Variants in CNTNAP1 observed in about 807,000 individuals in gnomAD.
The protein encoded by CNTNAP1 is contactin-associated protein 1.
In CNTNAP1, 80 loss-of-function variants were observed where a neutral mutation model predicts 161.5. The observed-to-expected ratio is 0.50, with a 90% CI of 0.41 to 0.60. CNTNAP1 has a LOEUF of 0.60. Among genes scored for constraint, CNTNAP1 ranks in the 20% least tolerant of loss-of-function variants. CNTNAP1 has a pLI of 0.00. For synonymous variants in CNTNAP1, 695 were observed against 733.1 expected, an observed-to-expected ratio of 0.95 and a Z score of 0.84; for missense variants, 1,464 against 1,854.8, an observed-to-expected ratio of 0.79 and a Z score of 3.87.
chr17:42,699,004 T>C lies in CNTNAP1; in HGVS notation c.*94T>C. ...TCAGGGACATTTGGCTCCTCTTAGC[T>C]GGCTCTGCTCATCCAGAGGATATTC... On this transcript the variant is annotated 3_prime_UTR_variant, in exon 24 of 24. Coordinates refer to ENST00000264638, the MANE Select transcript of CNTNAP1 (RefSeq NM_003632.3). 1 of 1,150,610 alleles carries C rather than the reference T, an allele frequency of 8.7e-7. No individual in the cohort carries two copies. The highest frequency in any genetic ancestry group is 1.2e-6 in the Non-Finnish European group (1 of 833,852). 71.3% of individuals were successfully genotyped at this position (1,150,610 alleles called of 1,614,324 possible).
At chr17:42,692,961 T>TC (rs906038894) in intron 17 of CNTNAP1, among the ~76,000 whole-genome samples, 19 of 149,984 alleles carry the variant, frequency 1.3e-4, no homozygotes, top group Admixed American at 5.3e-4. Context: ...TTCTTTTCTT[T>TC]TTTTTTTTTT....
chr17:42,688,689 A>G, intron 9 of CNTNAP1, 78 bp downstream of exon 9: 3 of 1,597,328 alleles, frequency 1.9e-6, no homozygotes, highest in Non-Finnish European at 2.6e-6. Flanking sequence ...ATGGGGCCAC[A>G]TGGAGAATTT....
rs1567969997 is a variant in CNTNAP1, at chr17:42,685,593, A to C, written c.715+173A>C. Among the ~76,000 whole-genome samples the C allele has an allele frequency of 6.6e-6, 1 of 152,222 alleles. No individual in the cohort carries two copies. The highest frequency in any genetic ancestry group is 6.5e-5 in the Admixed American group (1 of 15,282). ...TGGTGCTAGCAAAACACTGGAGTTG[A>C]GTGAGAACTGGATTCCAGTCTCAGC... On this transcript the variant is annotated intron_variant, in intron 5 of 23. Transcript: ENST00000264638. This position sits in a 1 kb window ranked among gnomAD's most constrained non-coding sequence, Gnocchi z 5.0.
rs763249493 is a variant in CNTNAP1, at chr17:42,691,328, C to T, written c.2216+35C>T. ...CAAAGGGACAGGGTTTTTAGGACTC[C>T]GGGAGTGGGAGGAGCTGAGTGGCTG... is the stretch of plus-strand genomic sequence containing the variant. On this transcript the variant is annotated intron_variant, in intron 14 of 23. Coordinates refer to ENST00000264638, the MANE Select transcript of CNTNAP1 (RefSeq NM_003632.3). This position sits in a 1 kb window ranked among gnomAD's most constrained non-coding sequence, Gnocchi z 4.3. The T allele has an allele frequency of 1.4e-5, 23 of 1,613,848 alleles. No homozygotes were observed. The highest frequency in any genetic ancestry group is 9.3e-5 in the African/African-American group (7 of 74,882).
intron 10 of CNTNAP1, among the ~76,000 whole-genome samples, 172 bp from the exon 11 acceptor site, chr17:42,689,349 C>T (rs115500376): frequency 0.014 from 2,060 of 151,968 alleles, 48 homozygotes; most frequent in African/African-American, 0.047. Context: ...GTACTTGAGC[C>T]CTGAGGACTG....
chr17:42,698,742 C>A lies in CNTNAP1; in HGVS notation c.3987C>A (p.Gly1329=), dbSNP rs745716694. ...AGGCTGCCCACGAGTACCATCCTGG[C>A]AGCAAACCTCCCCTACCCACTTCAG... ...EPKAAHEYHP[G]SKPPLPTSGP... The change falls in exon 24 of 24, where the codon GGC becomes GGA. Residue 1329 remains glycine, a synonymous_variant. Transcript: ENST00000264638. 6.2e-7 allele frequency: 1 copy of A among 1,613,338 alleles called. No homozygotes were observed. The highest frequency in any genetic ancestry group is 1.3e-5 in the African/African-American group (1 of 74,786).
At chr17:42,683,016 T>C in intron 1 of CNTNAP1, 120 bp downstream of exon 1, 1 of 936,088 alleles carries the variant, frequency 1.1e-6, no homozygotes. Flanking sequence ...GCGCGCCCGC[T>C]GGCTCTCATC....
intron 17 of CNTNAP1, 116 bp from the exon 18 acceptor site, chr17:42,693,181 G>C (rs1330510071): frequency 9.0e-6 from 11 of 1,223,260 alleles, no homozygotes; most frequent in Admixed American, 4.0e-5. Context: ...GGATGGTCTC[G>C]ATCTCCTGAG....
rs761905035 is a variant in CNTNAP1, at chr17:42,691,344, T to C, written c.2217-40T>C. On this transcript the variant is annotated intron_variant, in intron 14 of 23. Transcript: ENST00000264638. This position sits in a 1 kb window ranked among gnomAD's most constrained non-coding sequence, Gnocchi z 4.3. ...TTAGGACTCCGGGAGTGGGAGGAGCTGAGTGGCTGGGGCTGAGCCATGACA... is the reference window on the plus strand; with the variant it reads ...TTAGGACTCCGGGAGTGGGAGGAGCCGAGTGGCTGGGGCTGAGCCATGACA... 1.4e-5 allele frequency: 22 copies of C among 1,613,788 alleles called. No homozygotes were observed. The highest frequency in any genetic ancestry group is 1.8e-5 in the Non-Finnish European group (21 of 1,179,960).
intron 8 of CNTNAP1, 143 bp downstream of exon 8, chr17:42,688,124 G>T: frequency 8.0e-7 from 1 of 1,255,192 alleles, no homozygotes; most frequent in Non-Finnish European, 1.1e-6. Flanking sequence ...AGGGTACTGG[G>T]AAAAGGTGGG....
In CNTNAP1 at chr17:42,691,276, C is replaced by G; in HGVS notation, c.2199C>G (p.Asp733Glu). ...CVDPALYCNCDADQPQWRTDK... is the reference protein window; with the variant it reads ...CVDPALYCNCEADQPQWRTDK... ...ACCCTGCCTTGTACTGCAACTGTGA[C>G]GCTGACCAGCCCCAGTGGTGAGGGG... The change falls in exon 14 of 24, where the codon GAC (aspartate) becomes GAG (glutamate). Residue 733 changes from aspartate to glutamate, a missense_variant. Physicochemically the swap from Asp to Glu is conservative, Grantham distance 45. Around this residue, in one of 3 missense-constraint regions of CNTNAP1, gnomAD observed 1,383 missense variants for 1,765.0 expected, o/e 0.78. Coordinates refer to ENST00000264638, the MANE Select transcript of CNTNAP1 (RefSeq NM_003632.3). This position sits in a 1 kb window ranked among gnomAD's most constrained non-coding sequence, Gnocchi z 4.3. The G allele has an allele frequency of 6.2e-7, 1 of 1,614,142 alleles. No individual in the cohort carries two copies. The highest frequency in any genetic ancestry group is 8.5e-7 in the Non-Finnish European group (1 of 1,180,024).
intron 12 of CNTNAP1, among the ~76,000 whole-genome samples, 169 bp downstream of exon 12, chr17:42,690,376 G>T (rs1043603246): frequency 1.3e-5 from 2 of 152,046 alleles, no homozygotes; most frequent in African/African-American, 4.8e-5. Context: ...GCCAGGCGTG[G>T]TGGCTCACAC....
In CNTNAP1 at chr17:42,687,581, A is replaced by G. The variant is rs988117637; in HGVS notation, c.1045-139A>G. ...GGACGAGCTTGGAGGGGAAGAGGTC[A>G]CGTCATGGTTGGAGATCTCACCCCC... is the stretch of plus-strand genomic sequence containing the variant. On this transcript the variant is annotated intron_variant, in intron 7 of 23. Coordinates refer to ENST00000264638, the MANE Select transcript of CNTNAP1 (RefSeq NM_003632.3). This position sits in a 1 kb window ranked among gnomAD's most constrained non-coding sequence, Gnocchi z 4.7. 11 of 1,140,442 alleles carry G rather than the reference A, an allele frequency of 9.6e-6. No individual in the cohort carries two copies. In the African/African-American group the frequency reaches 1.3e-4, roughly 13 times the overall value. The allele number at this position is 1,140,442 out of a possible 1,614,324, so 70.6% of individuals were successfully genotyped here.
At position 42,699,642 on chromosome 17, in the gene CNTNAP1, C is replaced by T. The variant is rs568500601; in HGVS notation, c.*732C>T. On this transcript the variant is annotated 3_prime_UTR_variant, in exon 24 of 24. Transcript: ENST00000264638. ...TGTGCCTGCCCAAAGGCTTCGCCCC[C>T]TCCAGTGCATGAGGAACCCTCTTTC... The T allele has an allele frequency of 1.3e-5, 2 of 152,942 alleles. No homozygotes were observed. The highest frequency in any genetic ancestry group is 1.9e-4 in the East Asian group (1 of 5,330). 9.5% of individuals were successfully genotyped at this position (152,942 alleles called of 1,614,324 possible).
intron 20 of CNTNAP1, 59 bp from the exon 21 acceptor site, chr17:42,697,215 G>A (rs1292050536): frequency 8.5e-7 from 1 of 1,173,020 alleles, no homozygotes; most frequent in Non-Finnish European, 1.3e-6. Context: ...CCAGCCCACA[G>A]GCATCTGCTT....
chr17:42,685,010 A>G lies in CNTNAP1; in HGVS notation c.383A>G (p.Asn128Ser). Residue 128 changes from asparagine to serine, a missense_variant, in exon 4 of 24, where the codon AAC becomes AGC. Physicochemically the swap from Asn to Ser is conservative, Grantham distance 46. Coordinates refer to ENST00000264638, the MANE Select transcript of CNTNAP1 (RefSeq NM_003632.3). The surrounding 1 kb of genome is among the most constrained non-coding windows in gnomAD (Gnocchi z 5.0). ...CCGCAGACCTTCTTTGGTAACGTGA[A>G]CGAGTCGGCGGTGGTGCGCCATGAC... The part of the protein sequence containing the change: ...GHNSTFFGNV[N>S]ESAVVRHDLH... The G allele has an allele frequency of 6.2e-7, 1 of 1,606,702 alleles. No homozygotes were observed. Among genetic ancestry groups the G allele is most frequent in the Non-Finnish European group, 8.5e-7 (1 of 1,177,806 alleles).
rs376402173 is a variant in CNTNAP1, at chr17:42,685,820, G to A, written c.716-137G>A. On this transcript the variant is annotated intron_variant, in intron 5 of 23. Coordinates refer to ENST00000264638, the MANE Select transcript of CNTNAP1 (RefSeq NM_003632.3). The surrounding 1 kb of genome is among the most constrained non-coding windows in gnomAD (Gnocchi z 5.0). ...AAATGGCTTACCCTGTCACACACTCGCCAATGGCTGTTGATCTATTCGCCC... is the reference window on the plus strand; with the variant it reads ...AAATGGCTTACCCTGTCACACACTCACCAATGGCTGTTGATCTATTCGCCC... 1.1e-6 allele frequency: 1 copy of A among 872,526 alleles called. No individual in the cohort carries two copies. The highest frequency in any genetic ancestry group is 1.7e-6 in the Non-Finnish European group (1 of 575,650). The allele number at this position is 872,526 out of a possible 1,614,324, so 54.0% of individuals were successfully genotyped here.
chr17:42,684,696 C>T (rs977710058), intron 3 of CNTNAP1, among the ~76,000 whole-genome samples: 11 of 151,562 alleles, frequency 7.3e-5, no homozygotes, highest in African/African-American at 2.4e-4. Context: ...GAGGCCGAGG[C>T]AGGTGGATCA....
chr17:42,690,708 A>G (rs1050435101), intron 12 of CNTNAP1, 31 bp from the exon 13 acceptor site: 9 of 1,603,006 alleles, frequency 5.6e-6, no homozygotes, highest in Middle Eastern at 3.4e-4. Context: ...GCCCAACTCC[A>G]GCCAAAGCTC....
Sources: gnomAD v4.1 joint callset for allele counts (sites outside exome capture counted in the v4.1 genomes callset) on GRCh38, gnomAD v4.1.1 for gene constraint, gnomAD v4.1.1 regional missense constraint, Gnocchi (gnomAD v3.1) non-coding constraint, MANE v1.5 for transcripts, NCBI Gene and HGNC (gene_info 2026-07-23, HGNC 2026-07-21) for gene names.